The following EMCN variants were observed in gnomAD, a reference collection of about 807,000 sequenced individuals.
EMCN encodes MUC-14.
Under a neutral mutation model 38.4 loss-of-function variants are expected in EMCN, and 37 were observed. That is an observed-to-expected ratio of 0.96 (90% CI 0.74 to 1.27). The LOEUF (loss-of-function observed/expected upper bound fraction) is 1.27. EMCN is among the 50% of genes most tolerant of loss of function. EMCN has a pLI of 0.00. For missense variants in EMCN, 318 were observed against 302.8 expected (o/e 1.05, Z -0.37); for synonymous variants, 95 against 100.8 (o/e 0.94, Z 0.35).
intron 1 of EMCN, among the ~76,000 whole-genome samples, chr4:100,517,639 G>A (rs1355505540): frequency 1.3e-5 from 2 of 151,982 alleles, no homozygotes; most frequent in African/African-American, 4.8e-5. Context: ...CTTTCAGGCT[G>A]CTGTACCCGC....
At chr4:100,412,972 G>GA (rs1726607122) in intron 10 of EMCN, among the ~76,000 whole-genome samples, 1 of 152,156 alleles carries the variant, frequency 6.6e-6, no homozygotes. Context: ...GAGGCTTCTA[G>GA]AAAACCAGAA....
chr4:100,436,170 A>G (rs917532264), intron 5 of EMCN, among the ~76,000 whole-genome samples: 1 of 151,880 alleles, frequency 6.6e-6, no homozygotes. Context: ...AGGAACTTAA[A>G]CAAGAAAAAA....
At chr4:100,482,314 GT>G (rs1638460399) in intron 1 of EMCN, among the ~76,000 whole-genome samples, 1 of 152,026 alleles carries the variant, frequency 6.6e-6, no homozygotes, top group Non-Finnish European at 1.5e-5. Flanking sequence ...TGTGTGTGTT[GT>G]GTGTAAGTCT....
chr4:100,505,545 G>A (rs1729460382), intron 1 of EMCN, among the ~76,000 whole-genome samples: 1 of 152,176 alleles, frequency 6.6e-6, no homozygotes, highest in Non-Finnish European at 1.5e-5. Context: ...GGGGTAACCA[G>A]TGAACTCCCA....
chr4:100,471,763 A>C (rs1244567269), intron 3 of EMCN, among the ~76,000 whole-genome samples: 1 of 152,050 alleles, frequency 6.6e-6, no homozygotes, highest in Non-Finnish European at 1.5e-5. Context: ...CTAGGAATTC[A>C]AGGTTGACTC....
At position 100,417,476 on chromosome 4, in the gene EMCN, T is replaced by C. The variant is rs192852685; in HGVS notation, c.665-335A>G. On this transcript the variant is annotated intron_variant, in intron 8 of 11. Coordinates refer to ENST00000296420, the MANE Select transcript of EMCN (RefSeq NM_016242.4). ...CAGAAAATGTCTGTTTATTTCAGTA[T>C]CTCTGAAAAAATTCTATTAAAAGTA... Among the ~76,000 whole-genome samples, 412 of 152,296 alleles carry C rather than the reference T, an allele frequency of 2.7e-3. 4 individuals are homozygous for C. Among genetic ancestry groups the C allele is most frequent in the African/African-American group, 9.3e-3 (386 of 41,566 alleles).
At chr4:100,489,192 G>T (rs1254302416) in intron 1 of EMCN, among the ~76,000 whole-genome samples, 1 of 152,114 alleles carries the variant, frequency 6.6e-6, no homozygotes, top group East Asian at 1.9e-4. Context: ...TTGGCTATAG[G>T]TTTAGAACTG....
At chr4:100,454,036 G>T (rs1211429344) in intron 4 of EMCN, among the ~76,000 whole-genome samples, 3 of 133,176 alleles carry the variant, frequency 2.3e-5, no homozygotes, top group Non-Finnish European at 4.8e-5. Context: ...GGTGGGGGGA[G>T]GGGAGAGGGA....
chr4:100,461,930 A>G (rs1728190169), intron 4 of EMCN, among the ~76,000 whole-genome samples: 1 of 152,160 alleles, frequency 6.6e-6, no homozygotes, highest in African/African-American at 2.4e-5. Flanking sequence ...TCTGTCCTGT[A>G]TCCACTAATC....
intron 5 of EMCN, among the ~76,000 whole-genome samples, chr4:100,445,839 A>G (rs75312812): frequency 1.4e-3 from 209 of 152,302 alleles, no homozygotes; most frequent in African/African-American, 4.6e-3. Context: ...ATGTAAAAAA[A>G]TGAGACTCAA....
chr4:100,423,027 A>G lies in EMCN; in HGVS notation c.562T>C (p.Tyr188His), dbSNP rs749941433. Residue 188 changes from tyrosine (Y) to histidine (H), a missense_variant, in exon 7 of 12, where the codon TAT (tyrosine) becomes CAT (histidine). Transcript: ENST00000296420. Reference sequence around the variant, plus strand: ...AGGCATTGCTGTTACTCACTGGAATAAGACCGGCTGGTTGCTGAAGTGCTT... The same window carrying G: ...AGGCATTGCTGTTACTCACTGGAATGAGACCGGCTGGTTGCTGAAGTGCTT... ...NASTSATSRS[Y>H]SSIILPVVIA... The G allele has an allele frequency of 6.2e-7, 1 of 1,613,006 alleles. No individual in the cohort carries two copies. The highest frequency in any genetic ancestry group is 2.2e-5 in the East Asian group (1 of 44,810).
chr4:100,502,733 A>G (rs1420389635), intron 1 of EMCN, among the ~76,000 whole-genome samples: 4 of 152,196 alleles, frequency 2.6e-5, no homozygotes, highest in Non-Finnish European at 5.9e-5. Context: ...AAGCTGCTCT[A>G]TTAGATTAGG....
In EMCN at chr4:100,485,760, CTT is replaced by C. The variant is rs1217086832; in HGVS notation, c.65-5723_65-5722del. ...GTTGTACACTAATGGTGCTCCTTCT[CTT>C]TTGATATGGGAGAGGTCACTTTGAT... On this transcript the variant is annotated intron_variant, in intron 1 of 11. Coordinates refer to ENST00000296420, the MANE Select transcript of EMCN (RefSeq NM_016242.4). 2.0e-5 allele frequency among the ~76,000 whole-genome samples: 3 copies of C among 152,096 alleles called. No individual in the cohort carries two copies. The East Asian group carries it at 5.8e-4, about 29-fold the overall frequency.
rs115154051 is a variant in EMCN at position 100,462,012 on chromosome 4, G to A, written c.376+3411C>T. ...TAACCAGGAATCTGGGAGAGGTCCC[G>A]GTTTCATCACTTGGCAAATGGAAAT... On this transcript the variant is annotated intron_variant, in intron 4 of 11. Transcript: ENST00000296420. Among the ~76,000 whole-genome samples the A allele has an allele frequency of 2.9e-3, 441 of 152,224 alleles. 6 individuals carry two copies. Among genetic ancestry groups the A allele is most frequent in the African/African-American group, 9.9e-3 (413 of 41,532 alleles).
At chr4:100,410,865 A>G (rs1027583164) in intron 10 of EMCN, among the ~76,000 whole-genome samples, 1 of 152,200 alleles carries the variant, frequency 6.6e-6, no homozygotes, top group Non-Finnish European at 1.5e-5. Context: ...TCAAAATCCC[A>G]GTGCTATTCC....
intron 5 of EMCN, among the ~76,000 whole-genome samples, chr4:100,439,640 A>T: frequency 1.3e-5 from 2 of 148,596 alleles, no homozygotes; most frequent in African/African-American, 2.5e-5. Flanking sequence ...TTATGTTTTT[A>T]TTTTTATTAT....
At chr4:100,489,814 A>G (rs1475646649) in intron 1 of EMCN, among the ~76,000 whole-genome samples, 2 of 152,194 alleles carry the variant, frequency 1.3e-5, no homozygotes, top group East Asian at 3.8e-4. Context: ...TGGGCTCCAC[A>G]AGGCCGACTG....
chr4:100,414,318 A>AG (rs1454655987), intron 10 of EMCN, among the ~76,000 whole-genome samples: 1 of 142,640 alleles, frequency 7.0e-6, no homozygotes, highest in Non-Finnish European at 1.5e-5. Context: ...GTGCTTACTC[A>AG]GGACTGGTTC....
At chr4:100,441,912 A>T (rs897806165) in intron 5 of EMCN, among the ~76,000 whole-genome samples, 1 of 152,144 alleles carries the variant, frequency 6.6e-6, no homozygotes, top group African/African-American at 2.4e-5. Flanking sequence ...GATACACATG[A>T]TTTACACACC....
Sources: allele counts gnomAD v4.1 joint callset (sites outside exome capture counted in the v4.1 genomes callset), GRCh38; gene constraint gnomAD v4.1.1; transcripts MANE v1.5; gene names NCBI Gene and HGNC (gene_info 2026-07-23, HGNC 2026-07-21).